MYLIP: variants seen among roughly 807,000 people sequenced by gnomAD.
MYLIP encodes the protein myosin regulatory light chain interacting protein.
Under a neutral mutation model 45.8 loss-of-function variants are expected in MYLIP, and 26 were observed. The ratio of observed to expected loss-of-function variants is 0.57; its 90% CI spans 0.42 to 0.79. MYLIP has a LOEUF of 0.79. MYLIP is among the 30% of genes least tolerant of loss of function. The pLI is 0.00. For synonymous variants in MYLIP, 213 were observed against 218.1 expected (o/e 0.98, Z 0.21); for missense variants, 494 against 555.6 (o/e 0.89, Z 1.11).
the MYLIP span, among the ~76,000 whole-genome samples, chr6:16,159,644 C>A: frequency 6.6e-6 from 1 of 152,186 alleles, no homozygotes; most frequent in Non-Finnish European, 1.5e-5. Context: ...ACCCAAGCTC[C>A]CAGCACACCA....
chr6:16,151,121 G>A (rs183071011), downstream of MYLIP, among the ~76,000 whole-genome samples: 1,112 of 152,094 alleles, frequency 7.3e-3, 7 homozygotes, highest in Middle Eastern at 0.031. Context: ...AGGCCGAGGC[G>A]GGTGGATCAC....
intron 2 of MYLIP, among the ~76,000 whole-genome samples, chr6:16,132,235 A>G (rs1366224340): frequency 3.3e-5 from 5 of 152,202 alleles, no homozygotes; most frequent in Non-Finnish European, 5.9e-5. Context: ...AGCATAATAC[A>G]TTTGTTTTAT....
At chr6:16,156,616 T>A in the MYLIP span, among the ~76,000 whole-genome samples, 2 of 152,236 alleles carry the variant, frequency 1.3e-5, no homozygotes, top group South Asian at 2.1e-4. Context: ...GTTGCTCAAC[T>A]ACAGCTATAA....
chr6:16,130,513 T>C (rs1419474819), intron 1 of MYLIP, 44 bp from the exon 2 acceptor site: 7 of 1,593,194 alleles, frequency 4.4e-6, no homozygotes, highest in Non-Finnish European at 6.0e-6. Flanking sequence ...TTTGCTTTGA[T>C]ACGTACCATT....
At chr6:16,158,052 A>G in the MYLIP span, among the ~76,000 whole-genome samples, 2 of 152,224 alleles carry the variant, frequency 1.3e-5, no homozygotes, top group South Asian at 2.1e-4. Flanking sequence ...GGCCACTAGG[A>G]TCCTCTTTGA....
the MYLIP span, among the ~76,000 whole-genome samples, chr6:16,155,326 C>A: frequency 1.6e-3 from 250 of 152,290 alleles, no homozygotes; most frequent in Non-Finnish European, 8.5e-4. Flanking sequence ...TTATACAGGA[C>A]ATGTGGCAAA....
chr6:16,160,509 G>A, the MYLIP span, among the ~76,000 whole-genome samples: 263 of 152,284 alleles, frequency 1.7e-3, 3 homozygotes, highest in Admixed American at 0.014. Flanking sequence ...AATCTAAGGT[G>A]TGAAGGTCTG....
downstream of MYLIP, among the ~76,000 whole-genome samples, chr6:16,151,371 A>T (rs1391830543): frequency 6.7e-6 from 1 of 150,304 alleles, no homozygotes; most frequent in East Asian, 1.9e-4. Flanking sequence ...AAAAAAAGAA[A>T]AAAGAAAAAG....
the MYLIP span, among the ~76,000 whole-genome samples, chr6:16,155,634 T>G: frequency 6.6e-6 from 1 of 152,246 alleles, no homozygotes; most frequent in Non-Finnish European, 1.5e-5. Flanking sequence ...GCTTCGGCAC[T>G]GGCAGGGGCG....
chr6:16,150,728 C>T (rs1270067578), downstream of MYLIP, among the ~76,000 whole-genome samples: 1 of 152,076 alleles, frequency 6.6e-6, no homozygotes, highest in Non-Finnish European at 1.5e-5. Flanking sequence ...ACTCAACAGG[C>T]GGATCTGCCA....
At chr6:16,138,712 CAA>C (rs1759606031) in intron 2 of MYLIP, among the ~76,000 whole-genome samples, 1 of 152,136 alleles carries the variant, frequency 6.6e-6, no homozygotes, top group African/African-American at 2.4e-5. Context: ...CGGTGCAAGA[CAA>C]ATATTTATTG....
At position 16,145,041 on chromosome 6, in the gene MYLIP, C is replaced by G. The variant is rs771506569; in HGVS notation, c.972C>G (p.Asp324Glu). The G allele has an allele frequency of 1.2e-6, 2 of 1,614,218 alleles. No homozygotes were observed. Among genetic ancestry groups the G allele is most frequent in the Non-Finnish European group, 1.7e-6 (2 of 1,180,032 alleles). Residue 324 changes from aspartate (D) to glutamate (E), a missense_variant, in exon 6 of 7, where the codon GAC (aspartate) becomes GAG (glutamate). Coordinates refer to ENST00000356840, the MANE Select transcript of MYLIP (RefSeq NM_013262.4). ...DIKRTSKEVYDHARRALYNAG... is the reference protein window; with the variant it reads ...DIKRTSKEVYEHARRALYNAG... ...AAAGAACATCAAAGGAGGTGTATGACCATGCCAGGAGGGCTCTGTACAATG... is the reference window on the plus strand; with the variant it reads ...AAAGAACATCAAAGGAGGTGTATGAGCATGCCAGGAGGGCTCTGTACAATG...
At chr6:16,139,121 A>T (rs1004851380) in intron 2 of MYLIP, among the ~76,000 whole-genome samples, 1 of 152,228 alleles carries the variant, frequency 6.6e-6, no homozygotes, top group Non-Finnish European at 1.5e-5. Flanking sequence ...CACCTGAAAA[A>T]TAAGTTAAAA....
intron 3 of MYLIP, among the ~76,000 whole-genome samples, chr6:16,142,285 A>C (rs1759689905): frequency 6.6e-6 from 1 of 152,278 alleles, no homozygotes; most frequent in African/African-American, 2.4e-5. Context: ...ATATGTAAAC[A>C]CAATATGAAA....
intron 6 of MYLIP, among the ~76,000 whole-genome samples, chr6:16,145,714 G>C (rs1439551134): frequency 2.0e-5 from 3 of 151,988 alleles, no homozygotes; most frequent in Non-Finnish European, 4.4e-5. Context: ...AAGATATTTG[G>C]GAAAGAATAC....
intron 2 of MYLIP, among the ~76,000 whole-genome samples, chr6:16,138,294 T>C (rs1159873506): frequency 6.6e-6 from 1 of 151,928 alleles, no homozygotes; most frequent in African/African-American, 2.4e-5. Flanking sequence ...TGTTTTGATA[T>C]TATTGGTAAC....
chr6:16,161,989 C>A, the MYLIP span, among the ~76,000 whole-genome samples: 1 of 152,122 alleles, frequency 6.6e-6, no homozygotes, highest in Non-Finnish European at 1.5e-5. Context: ...AACATTTTTG[C>A]AAGCCTTCAG....
chr6:16,130,543 C>T lies in MYLIP; in HGVS notation c.88-14C>T. On this transcript the variant is annotated splice_polypyrimidine_tract_variant and intron_variant, in intron 1 of 6. Coordinates refer to ENST00000356840, the MANE Select transcript of MYLIP (RefSeq NM_013262.4). The stretch of plus-strand genomic sequence containing the variant: ...ACCATTTGCTCATCCAGGCTGCATT[C>T]CTTTTTGTTTTAGGTGTGCAGGCGA... 2 of 1,612,508 alleles carry T rather than the reference C, an allele frequency of 1.2e-6. No homozygotes were observed. Among genetic ancestry groups the T allele is most frequent in the Non-Finnish European group, 1.7e-6 (2 of 1,179,058 alleles).
chr6:16,152,317 G>A (rs571584221), downstream of MYLIP, among the ~76,000 whole-genome samples: 2 of 152,318 alleles, frequency 1.3e-5, no homozygotes, highest in East Asian at 3.9e-4. Context: ...TTCAGCAAGT[G>A]CACATTACAT....
Sources: gnomAD v4.1 joint callset for allele counts (sites outside exome capture counted in the v4.1 genomes callset) on GRCh38, gnomAD v4.1.1 for gene constraint, MANE v1.5 for transcripts, NCBI Gene and HGNC (gene_info 2026-07-23, HGNC 2026-07-21) for gene names.